SLC66A2: variants seen among roughly 807,000 people sequenced by gnomAD.
SLC66A2 encodes PQ loop repeat containing 1.
Under a neutral mutation model 25.5 loss-of-function variants are expected in SLC66A2, and 23 were observed. The observed-to-expected ratio is 0.90, with a 90% CI of 0.65 to 1.28. The LOEUF (loss-of-function observed/expected upper bound fraction) is 1.28. Among genes scored for constraint, SLC66A2 ranks in the 50% most tolerant of loss-of-function variants. SLC66A2 has a pLI of 0.00. For missense variants in SLC66A2, 396 were observed against 373.1 expected, an observed-to-expected ratio of 1.06 and a Z score of -0.51; for synonymous variants, 193 against 166.5, an observed-to-expected ratio of 1.16 and a Z score of -1.23.
chr18:79,931,813 G>A (rs1196738129), intron 4 of SLC66A2, among the ~76,000 whole-genome samples: 4 of 152,092 alleles, frequency 2.6e-5, no homozygotes, highest in African/African-American at 9.7e-5. Flanking sequence ...TGGAGTTTGA[G>A]ACCAGCCTGG....
At chr18:79,931,830 T>C (rs778521291) in intron 4 of SLC66A2, among the ~76,000 whole-genome samples, 54 of 151,946 alleles carry the variant, frequency 3.6e-4, no homozygotes, top group Non-Finnish European at 6.8e-4. Flanking sequence ...CTGGTAAACA[T>C]GGTGAAAACC....
Position 79,943,477 on chromosome 18 carries a change from C to G in SLC66A2, c.204-15G>C, listed in dbSNP as rs779309098. 15 of 1,610,950 alleles carry G rather than the reference C, an allele frequency of 9.3e-6. No homozygotes were observed. The highest frequency in any genetic ancestry group is 1.7e-5 in the Admixed American group (1 of 59,804). ...GCCTTCCAAACCTGCGGGAGAGACACTGTGTCAGGAGGGAGGTCCACCCAT... is the reference window on the plus strand; with the variant it reads ...GCCTTCCAAACCTGCGGGAGAGACAGTGTGTCAGGAGGGAGGTCCACCCAT... On this transcript the variant is annotated splice_polypyrimidine_tract_variant and intron_variant, in intron 2 of 5. Coordinates refer to ENST00000397778, the MANE Select transcript of SLC66A2 (RefSeq NM_025078.5).
chr18:79,934,604 C>A (rs964684902), intron 3 of SLC66A2, among the ~76,000 whole-genome samples: 1 of 152,246 alleles, frequency 6.6e-6, no homozygotes, highest in Non-Finnish European at 1.5e-5. Context: ...GGGCCCAGCA[C>A]TGGCAATGAC....
intron 5 of SLC66A2, among the ~76,000 whole-genome samples, chr18:79,905,804 T>G (rs1195908277): frequency 6.6e-6 from 1 of 152,244 alleles, no homozygotes; most frequent in East Asian, 1.9e-4. Context: ...TGGCTTTACT[T>G]GGCATGCAGC....
intron 3 of SLC66A2, among the ~76,000 whole-genome samples, chr18:79,939,476 G>C (rs988457366): frequency 6.6e-6 from 1 of 152,182 alleles, no homozygotes; most frequent in African/African-American, 2.4e-5. Context: ...GAAAATTTTT[G>C]CAAACTACGC....
chr18:79,942,763 TGCC>T (rs1176579508), intron 3 of SLC66A2, among the ~76,000 whole-genome samples: 1 of 152,246 alleles, frequency 6.6e-6, no homozygotes, highest in Non-Finnish European at 1.5e-5. Context: ...TTTTCTAAGC[TGCC>T]AAAGGTTAAG....
chr18:79,908,691 T>G (rs931647248), intron 5 of SLC66A2, among the ~76,000 whole-genome samples: 1 of 152,236 alleles, frequency 6.6e-6, no homozygotes, highest in Admixed American at 6.5e-5. Context: ...CATGTTTTTG[T>G]TACTGTTTTT....
chr18:79,930,653 T>C (rs1460740584), intron 4 of SLC66A2, among the ~76,000 whole-genome samples: 1 of 152,090 alleles, frequency 6.6e-6, no homozygotes, highest in Non-Finnish European at 1.5e-5. Flanking sequence ...CATAAAGAAA[T>C]GTAATATATT....
chr18:79,936,937 A>T (rs1217982675), intron 3 of SLC66A2, among the ~76,000 whole-genome samples: 1 of 152,176 alleles, frequency 6.6e-6, no homozygotes, highest in Non-Finnish European at 1.5e-5. Flanking sequence ...CCGTGCACAG[A>T]GAGGGCTAAG....
chr18:79,950,605 T>C, intron 2 of SLC66A2, 119 bp downstream of exon 2: 1 of 914,186 alleles, frequency 1.1e-6, no homozygotes, highest in East Asian at 2.6e-5. Flanking sequence ...CACGGCAGAG[T>C]GGGACGCTGG....
chr18:79,939,977 A>G (rs1599639287), intron 3 of SLC66A2, among the ~76,000 whole-genome samples: 1 of 152,242 alleles, frequency 6.6e-6, no homozygotes, highest in South Asian at 2.1e-4. Flanking sequence ...AATGCCCATC[A>G]ATGAAAATCA....
rs530780153 is a variant in SLC66A2, at chr18:79,913,272, G to A, written c.608+5912C>T. 1.1e-4 allele frequency among the ~76,000 whole-genome samples: 16 copies of A among 152,254 alleles called. No individual in the cohort carries two copies. The East Asian group carries it at 1.7e-3, about 17-fold the overall frequency. On this transcript the variant is annotated intron_variant, in intron 5 of 5. Coordinates refer to ENST00000397778, the MANE Select transcript of SLC66A2 (RefSeq NM_025078.5). The stretch of plus-strand genomic sequence containing the variant: ...TCCACAGCCACGGTGTCTGTATTCC[G>A]CATTTCAGGCTCCTCCCCATCTGTC...
chr18:79,930,889 G>C (rs1986502683), intron 4 of SLC66A2, among the ~76,000 whole-genome samples: 1 of 152,122 alleles, frequency 6.6e-6, no homozygotes, highest in Non-Finnish European at 1.5e-5. Context: ...TATATTGTTA[G>C]GTTGTAATAT....
In SLC66A2 at chr18:79,951,038, G is replaced by C. The variant is rs2051104703; in HGVS notation, c.-99-13C>G. ...GCGGCCTCGGGGCCTGCGGGGAGCG[G>C]GGAGCTGCTCGAGTTCCGCCCAGGG... is the stretch of plus-strand genomic sequence containing the variant. On this transcript the variant is annotated splice_polypyrimidine_tract_variant and intron_variant, in intron 1 of 5. Transcript: ENST00000397778. 1 of 785,762 alleles carries C rather than the reference G, an allele frequency of 1.3e-6. No homozygotes were observed. The highest frequency in any genetic ancestry group is 3.4e-5 in the South Asian group (1 of 29,442). The allele number at this position is 785,762 out of a possible 1,614,324, so 48.7% of individuals were successfully genotyped here.
In SLC66A2 at chr18:79,904,694, C is replaced by T. The variant is rs889736876; in HGVS notation, c.609-511G>A. Among the ~76,000 whole-genome samples the T allele has an allele frequency of 4.6e-5, 7 of 152,164 alleles. No individual in the cohort carries two copies. Among genetic ancestry groups the T allele is most frequent in the Non-Finnish European group, 7.4e-5 (5 of 68,012 alleles). ...AGAGCAGCTGCTTTTGGGTCTCTGC[C>T]GGCCTCCCTCCCTGGTGATAGATGC... On this transcript the variant is annotated intron_variant, in intron 5 of 5. Coordinates refer to ENST00000397778, the MANE Select transcript of SLC66A2 (RefSeq NM_025078.5). The surrounding 1 kb of genome is among the most constrained non-coding windows in gnomAD (Gnocchi z 6.3).
rs866349904 is a variant in SLC66A2, at chr18:79,919,634, G to A, written c.392-234C>T. Reference sequence around the variant, plus strand: ...GGTCAGTGGAGGAGAGACAGGAACCGAGGGAGAGGTCAAGGTCAGTGGGGA... The same window carrying A: ...GGTCAGTGGAGGAGAGACAGGAACCAAGGGAGAGGTCAAGGTCAGTGGGGA... On this transcript the variant is annotated intron_variant, in intron 4 of 5. Transcript: ENST00000397778. 7.2e-4 allele frequency among the ~76,000 whole-genome samples: 6 copies of A among 8,346 alleles called. 1 individual carries two copies. The highest frequency in any genetic ancestry group is 7.7e-4 in the African/African-American group (6 of 7,766). 5.5% of individuals were successfully genotyped at this position (8,346 alleles called of 152,430 possible).
intron 2 of SLC66A2, among the ~76,000 whole-genome samples, chr18:79,949,255 G>A (rs2051035335): frequency 6.6e-6 from 1 of 152,218 alleles, no homozygotes; most frequent in Admixed American, 6.5e-5. Flanking sequence ...AGGCCACGGA[G>A]CAGGGAGCAC....
At chr18:79,926,128 G>A (rs2144829615) in intron 4 of SLC66A2, among the ~76,000 whole-genome samples, 1 of 152,360 alleles carries the variant, frequency 6.6e-6, no homozygotes, top group Middle Eastern at 3.4e-3. Flanking sequence ...GGTCTAAAAA[G>A]GGGAGGCATG....
Position 79,918,426 on chromosome 18 carries a change from GGGGT to G in SLC66A2, c.608+754_608+757del, listed in dbSNP as rs1984525516. The stretch of plus-strand genomic sequence containing the variant: ...CCCCAGTGAGGAGCGGGCCCGGGGG[GGGGT>G]CCCCAGTGAGGAGCGGGCACCGGGG... On this transcript the variant is annotated intron_variant, in intron 5 of 5. Coordinates refer to ENST00000397778, the MANE Select transcript of SLC66A2 (RefSeq NM_025078.5). This position sits in a 1 kb window ranked among gnomAD's most constrained non-coding sequence, Gnocchi z 4.0. Among the ~76,000 whole-genome samples, 2 of 148,676 alleles carry G rather than the reference GGGGT, an allele frequency of 1.3e-5. No individual in the cohort carries two copies. Among genetic ancestry groups the G allele is most frequent in the African/African-American group, 5.1e-5 (2 of 39,598 alleles).
Sources: allele counts gnomAD v4.1 joint callset (sites outside exome capture counted in the v4.1 genomes callset), GRCh38; gene constraint gnomAD v4.1.1; non-coding constraint Gnocchi (gnomAD v3.1); transcripts MANE v1.5; gene names NCBI Gene and HGNC (gene_info 2026-07-23, HGNC 2026-07-21).